Variants in LRRC4C observed in about 807,000 individuals in gnomAD.
LRRC4C encodes the protein leucine-rich repeat-containing protein 4C.
LRRC4C carries 5 observed loss-of-function variants against 33.6 expected under a neutral mutation model. The ratio of observed to expected loss-of-function variants is 0.15; its 90% CI spans 0.08 to 0.31. The LOEUF (loss-of-function observed/expected upper bound fraction) is 0.31. Among genes scored for constraint, LRRC4C ranks in the 10% least tolerant of loss-of-function variants. The pLI is 1.00. For missense variants in LRRC4C, 560 were observed against 796.7 expected (o/e 0.70, Z 3.58); for synonymous variants, 329 against 302.0 (o/e 1.09, Z -0.93).
intron 4 of LRRC4C, among the ~76,000 whole-genome samples, chr11:40,262,168 A>T (rs1941896412): frequency 6.6e-6 from 1 of 152,250 alleles, no homozygotes; most frequent in Non-Finnish European, 1.5e-5. Context: ...AAAGTGGGTG[A>T]AGGATATTAA....
At chr11:40,386,494 A>G (rs1337423439) in intron 3 of LRRC4C, among the ~76,000 whole-genome samples, 1 of 152,200 alleles carries the variant, frequency 6.6e-6, no homozygotes, top group Non-Finnish European at 1.5e-5. Flanking sequence ...AGATAGCTAT[A>G]TAACAATTAA....
intron 2 of LRRC4C, among the ~76,000 whole-genome samples, chr11:40,686,362 A>G (rs1944953846): frequency 1.3e-5 from 2 of 152,136 alleles, no homozygotes; most frequent in African/African-American, 4.8e-5. Flanking sequence ...TAAAAGCTCA[A>G]GCTAGTGGAA....
At chr11:40,661,351 G>A (rs1283136069) in intron 2 of LRRC4C, among the ~76,000 whole-genome samples, 1 of 152,076 alleles carries the variant, frequency 6.6e-6, no homozygotes, top group Non-Finnish European at 1.5e-5. Context: ...GCCTAAGAAA[G>A]CATCAAAACA....
chr11:40,437,524 G>A (rs1951194134), intron 3 of LRRC4C, among the ~76,000 whole-genome samples: 1 of 151,722 alleles, frequency 6.6e-6, no homozygotes, highest in African/African-American at 2.4e-5. Flanking sequence ...CTCCTGGGTA[G>A]CTGGGATTAC....
At chr11:41,377,768 T>G (rs901191483) in intron 1 of LRRC4C, among the ~76,000 whole-genome samples, 1 of 152,178 alleles carries the variant, frequency 6.6e-6, no homozygotes, top group African/African-American at 2.4e-5. Context: ...TGTGGCCTAC[T>G]GGGGACCAAA....
intron 1 of LRRC4C, among the ~76,000 whole-genome samples, chr11:41,180,393 A>G (rs186980565): frequency 6.6e-6 from 1 of 152,294 alleles, no homozygotes; most frequent in East Asian, 1.9e-4. Context: ...AGGCATTGTA[A>G]AAAATTTAAG....
intron 1 of LRRC4C, among the ~76,000 whole-genome samples, chr11:40,979,249 CA>C (rs1191920459): frequency 1.3e-5 from 2 of 152,154 alleles, no homozygotes; most frequent in Non-Finnish European, 2.9e-5. Flanking sequence ...ACAATACTAT[CA>C]ATTCCTTGGA....
chr11:41,345,547 TTC>T (rs1951776131), intron 1 of LRRC4C, among the ~76,000 whole-genome samples: 1 of 152,216 alleles, frequency 6.6e-6, no homozygotes, highest in African/African-American at 2.4e-5. Flanking sequence ...TTTCCTGGTT[TTC>T]TCTTTTGATT....
At chr11:40,810,666 A>T (rs1222288524) in intron 2 of LRRC4C, among the ~76,000 whole-genome samples, 1 of 152,074 alleles carries the variant, frequency 6.6e-6, no homozygotes, top group Non-Finnish European at 1.5e-5. Flanking sequence ...GGGCACCAAC[A>T]TCTATCTGAG....
intron 3 of LRRC4C, among the ~76,000 whole-genome samples, chr11:40,427,397 C>T (rs575193904): frequency 9.2e-5 from 14 of 152,270 alleles, no homozygotes; most frequent in Admixed American, 7.8e-4. Flanking sequence ...ATCCCACCTA[C>T]TCAGGAGGCT....
At chr11:41,296,278 A>AT (rs758772161) in intron 1 of LRRC4C, among the ~76,000 whole-genome samples, 6 of 151,788 alleles carry the variant, frequency 4.0e-5, no homozygotes, top group Non-Finnish European at 7.4e-5. Flanking sequence ...TCTTTTATTA[A>AT]TAATATATGT....
chr11:40,813,790 A>C (rs968856509), intron 2 of LRRC4C, among the ~76,000 whole-genome samples: 1 of 152,182 alleles, frequency 6.6e-6, no homozygotes, highest in Non-Finnish European at 1.5e-5. Flanking sequence ...GGCAAAACGA[A>C]GGGGCTACTG....
chr11:40,312,852 T>C (rs1945381121), intron 4 of LRRC4C, among the ~76,000 whole-genome samples: 1 of 151,152 alleles, frequency 6.6e-6, no homozygotes, highest in Admixed American at 6.6e-5. Context: ...CTTTCAGAGA[T>C]TGGACAGCAG....
At chr11:41,328,057 C>A (rs886168247) in intron 1 of LRRC4C, among the ~76,000 whole-genome samples, 1 of 152,152 alleles carries the variant, frequency 6.6e-6, no homozygotes, top group South Asian at 2.1e-4. Context: ...ACAGGTAGTT[C>A]CCTGTGAATG....
intron 2 of LRRC4C, among the ~76,000 whole-genome samples, chr11:40,854,153 T>C (rs1953651887): frequency 6.6e-6 from 1 of 152,198 alleles, no homozygotes; most frequent in Non-Finnish European, 1.5e-5. Flanking sequence ...GTCACATCTC[T>C]ATTTTTTTTC....
chr11:40,531,313 A>G (rs116417163), intron 3 of LRRC4C, among the ~76,000 whole-genome samples: 1 of 152,200 alleles, frequency 6.6e-6, no homozygotes, highest in African/African-American at 2.4e-5. Flanking sequence ...ATCCTGACTG[A>G]CCTAATCCTA....
At chr11:41,324,866 T>G (rs1264157007) in intron 1 of LRRC4C, among the ~76,000 whole-genome samples, 1 of 152,200 alleles carries the variant, frequency 6.6e-6, no homozygotes, top group Non-Finnish European at 1.5e-5. Context: ...TTGGAATGGA[T>G]TTAGTAATAT....
chr11:41,193,198 A>T (rs1946036209), intron 1 of LRRC4C, among the ~76,000 whole-genome samples: 2 of 152,108 alleles, frequency 1.3e-5, no homozygotes, highest in African/African-American at 4.8e-5. Flanking sequence ...TATTGTTTTC[A>T]TTGATGGTTT....
At chr11:41,006,834 T>A (rs911956132) in intron 1 of LRRC4C, among the ~76,000 whole-genome samples, 60 of 152,326 alleles carry the variant, frequency 3.9e-4, no homozygotes, top group African/African-American at 1.4e-3. Flanking sequence ...CACAAATTCA[T>A]ATTTTCACAG....
Sources: gnomAD v4.1 joint callset for allele counts (sites outside exome capture counted in the v4.1 genomes callset) on GRCh38, gnomAD v4.1.1 for gene constraint, MANE v1.5 for transcripts, NCBI Gene and HGNC (gene_info 2026-07-23, HGNC 2026-07-21) for gene names.